KIAA1328: variants seen among roughly 807,000 people sequenced by gnomAD.
KIAA1328 encodes the protein protein hinderin.
KIAA1328 carries 52 observed loss-of-function variants against 68.1 expected under a neutral mutation model. That is an observed-to-expected ratio of 0.76 (90% CI 0.61 to 0.96). The LOEUF is 0.96. KIAA1328 is among the 40% of genes least tolerant of loss of function. KIAA1328 has a pLI of 0.00. For synonymous variants in KIAA1328, 232 were observed against 239.4 expected, an observed-to-expected ratio of 0.97 and a Z score of 0.28; for missense variants, 641 against 677.6, an observed-to-expected ratio of 0.95 and a Z score of 0.60.
At chr18:36,914,772 T>C (rs2049618057) in intron 5 of KIAA1328, among the ~76,000 whole-genome samples, 1 of 152,048 alleles carries the variant, frequency 6.6e-6, no homozygotes, top group Non-Finnish European at 1.5e-5. Flanking sequence ...AAGAAAAACA[T>C]ACAAATATCT....
chr18:36,887,019 A>T (rs2048523644), intron 5 of KIAA1328, among the ~76,000 whole-genome samples: 1 of 152,128 alleles, frequency 6.6e-6, no homozygotes, highest in African/African-American at 2.4e-5. Flanking sequence ...AACATGAATA[A>T]GGCTTGTTGG....
At chr18:37,089,137 G>A (rs1440109500) in intron 7 of KIAA1328, among the ~76,000 whole-genome samples, 1 of 151,922 alleles carries the variant, frequency 6.6e-6, no homozygotes, top group Admixed American at 6.6e-5. Context: ...TCCTAGGAGG[G>A]TGTGGTGGGG....
At chr18:36,943,306 T>G (rs1476272477) in intron 5 of KIAA1328, among the ~76,000 whole-genome samples, 13 of 152,230 alleles carry the variant, frequency 8.5e-5, no homozygotes, top group Non-Finnish European at 8.8e-5. Context: ...CTACTTTCAT[T>G]ATAGAACCTT....
At chr18:37,116,888 C>T (rs1248936508) in intron 7 of KIAA1328, among the ~76,000 whole-genome samples, 1 of 152,170 alleles carries the variant, frequency 6.6e-6, no homozygotes, top group Non-Finnish European at 1.5e-5. Context: ...GACATTTATG[C>T]AGCCAACAGA....
At chr18:37,092,082 A>G (rs2057283219) in intron 7 of KIAA1328, among the ~76,000 whole-genome samples, 1 of 152,148 alleles carries the variant, frequency 6.6e-6, no homozygotes, top group East Asian at 1.9e-4. Context: ...CTGGGGGCTG[A>G]CCCACCCACC....
intron 6 of KIAA1328, among the ~76,000 whole-genome samples, chr18:36,985,212 A>C (rs959195175): frequency 1.3e-5 from 2 of 152,100 alleles, no homozygotes; most frequent in African/African-American, 4.8e-5. Flanking sequence ...AGGCAGGAGG[A>C]TTGCTTGAGC....
intron 5 of KIAA1328, among the ~76,000 whole-genome samples, chr18:36,949,419 G>A (rs1423979149): frequency 2.0e-5 from 3 of 152,062 alleles, no homozygotes; most frequent in Non-Finnish European, 4.4e-5. Flanking sequence ...CACATTGATA[G>A]CCTGCTTTTT....
intron 7 of KIAA1328, among the ~76,000 whole-genome samples, chr18:37,150,397 A>G (rs745766055): frequency 8.6e-4 from 131 of 152,266 alleles, no homozygotes; most frequent in Middle Eastern, 3.4e-3. Context: ...ACATTGCCAT[A>G]TGCCTTCTGT....
At chr18:37,066,821 GA>G in intron 6 of KIAA1328, 68 bp from the exon 7 acceptor site, 1 of 1,406,014 alleles carries the variant, frequency 7.1e-7, no homozygotes, top group Non-Finnish European at 9.5e-7. Context: ...ACTGATTTCT[GA>G]AAAACCAAAC....
chr18:37,054,466 A>C (rs1483664941), intron 6 of KIAA1328, among the ~76,000 whole-genome samples: 1 of 152,234 alleles, frequency 6.6e-6, no homozygotes, highest in African/African-American at 2.4e-5. Context: ...ATACACCATG[A>C]AATAGTATGC....
At chr18:37,208,605 G>C (rs1040420879) in intron 9 of KIAA1328, among the ~76,000 whole-genome samples, 1 of 152,118 alleles carries the variant, frequency 6.6e-6, no homozygotes, top group Non-Finnish European at 1.5e-5. Context: ...GAAAATAGTA[G>C]TATAATGACA....
intron 6 of KIAA1328, among the ~76,000 whole-genome samples, chr18:36,995,459 G>C (rs889969175): frequency 3.9e-5 from 6 of 152,048 alleles, no homozygotes; most frequent in Non-Finnish European, 8.8e-5. Flanking sequence ...TCAAAGTTTT[G>C]TTGGTATCTT....
intron 6 of KIAA1328, among the ~76,000 whole-genome samples, chr18:37,024,383 A>ATT (rs1333713890): frequency 1.4e-5 from 2 of 147,596 alleles, no homozygotes; most frequent in Admixed American, 6.8e-5. Context: ...TTTTATATAT[A>ATT]TATATTTATT....
intron 6 of KIAA1328, among the ~76,000 whole-genome samples, chr18:36,963,873 A>G (rs2051803946): frequency 6.6e-6 from 1 of 152,254 alleles, no homozygotes. Context: ...AGAGCCTAAC[A>G]TAGGTCTTGG....
downstream of KIAA1328, among the ~76,000 whole-genome samples, chr18:37,228,158 G>C (rs2060648734): frequency 6.6e-6 from 1 of 152,190 alleles, no homozygotes; most frequent in Admixed American, 6.5e-5. Context: ...TTGAACAGAT[G>C]AGGAGCTGGT....
chr18:36,935,382 A>G (rs1263558529), intron 5 of KIAA1328, among the ~76,000 whole-genome samples: 1 of 152,236 alleles, frequency 6.6e-6, no homozygotes, highest in East Asian at 1.9e-4. Context: ...CTCCTTTGGT[A>G]TAAGCCTTTC....
At chr18:36,890,692 G>A (rs1436914176) in intron 5 of KIAA1328, among the ~76,000 whole-genome samples, 2 of 151,982 alleles carry the variant, frequency 1.3e-5, no homozygotes, top group Non-Finnish European at 2.9e-5. Context: ...AAACCTAACA[G>A]TAATGTACAA....
chr18:36,883,952 GTATA>G lies in KIAA1328; in HGVS notation c.333-1590_333-1587del, dbSNP rs58707237. ...TACAAATGCTTTCCATATTTATAAAGTATATATATATATATATACACACACAGTG... is the reference window on the plus strand; with the variant it reads ...TACAAATGCTTTCCATATTTATAAAGTATATATATATATACACACACAGTG... On this transcript the variant is annotated intron_variant, in intron 4 of 9. Transcript: ENST00000280020. Among the ~76,000 whole-genome samples, 10 of 120,808 alleles carry G rather than the reference GTATA, an allele frequency of 8.3e-5. 1 individual carries two copies. Among genetic ancestry groups the G allele is most frequent in the East Asian group, 2.2e-4 (1 of 4,512 alleles). The allele number at this position is 120,808 out of a possible 152,430, so 79.3% of individuals were successfully genotyped here. A position where few individuals can be genotyped will look rare whatever the true frequency, so the allele number is the denominator to read the frequency against.
intron 4 of KIAA1328, among the ~76,000 whole-genome samples, chr18:36,855,597 G>T (rs1245489924): frequency 1.4e-5 from 2 of 146,978 alleles, no homozygotes; most frequent in African/African-American, 5.0e-5. Context: ...AATTCTTTTG[G>T]GTTTTCTTTT....
Sources: gnomAD v4.1 joint callset for allele counts (sites outside exome capture counted in the v4.1 genomes callset) on GRCh38, gnomAD v4.1.1 for gene constraint, MANE v1.5 for transcripts, NCBI Gene and HGNC (gene_info 2026-07-23, HGNC 2026-07-21) for gene names.